The following SMG7 variants were observed in gnomAD, a reference collection of about 807,000 sequenced individuals.
SMG7 encodes SMG7 nonsense mediated mRNA decay factor.
Under a neutral mutation model 148.2 loss-of-function variants are expected in SMG7, and 34 were observed. The observed-to-expected ratio is 0.23, with a 90% CI of 0.17 to 0.31. The LOEUF (loss-of-function observed/expected upper bound fraction) is 0.31, where lower values mean the gene tolerates loss of function less well. Ranked by LOEUF, SMG7 falls within the 10% of genes least tolerant of loss-of-function variation. The pLI, the probability that SMG7 is intolerant of heterozygous loss-of-function variation, is 1.00. For synonymous variants in SMG7, 492 were observed against 515.1 expected (o/e 0.96, Z 0.61); for missense variants, 1,114 against 1,408.4 (o/e 0.79, Z 3.35).
intron 3 of SMG7, among the ~76,000 whole-genome samples, chr1:183,517,116 T>C (rs886473412): frequency 3.3e-5 from 5 of 152,240 alleles, no homozygotes; most frequent in African/African-American, 1.2e-4. Flanking sequence ...GTATGCCATA[T>C]TTCAGCATTA....
intron 12 of SMG7, 92 bp downstream of exon 12, chr1:183,538,532 T>C: frequency 1.1e-6 from 1 of 882,574 alleles, no homozygotes; most frequent in Admixed American, 1.7e-5. Flanking sequence ...GAACCTTTGA[T>C]CTGTCCCAGC....
chr1:183,533,245 C>T lies in SMG7; in HGVS notation c.925C>T (p.Arg309Cys), dbSNP rs1297456313. 1.9e-6 allele frequency: 3 copies of T among 1,613,938 alleles called. No homozygotes were observed. The highest frequency in any genetic ancestry group is 2.5e-6 in the Non-Finnish European group (3 of 1,179,844). The stretch of plus-strand genomic sequence containing the variant: ...TAACCTGTTTCAACTTCATCACCTT[C>T]GTGACTTTAGCAATGAAACCGAGCA... ...VINLFQLHHLRDFSNETEQHT... is the reference protein window; with the variant it reads ...VINLFQLHHLCDFSNETEQHT... The change falls in exon 9 of 23, where the codon CGT (arginine) becomes TGT (cysteine). Residue 309 changes from arginine (R) to cysteine (C), a missense_variant. Around this residue, in one of 4 missense-constraint regions of SMG7, gnomAD observed 8 missense variants for 37.6 expected, o/e 0.21. Coordinates refer to ENST00000688051, the MANE Select transcript of SMG7 (RefSeq NM_001375584.1).
At chr1:183,476,014 A>C (rs1652086932) in intron 1 of SMG7, among the ~76,000 whole-genome samples, 1 of 152,230 alleles carries the variant, frequency 6.6e-6, no homozygotes, top group Admixed American at 6.5e-5. Context: ...TAAGTAAATT[A>C]AAACAAGTGT....
At chr1:183,549,717 T>C (rs751170691) in intron 19 of SMG7, 47 bp from the exon 20 acceptor site, 21 of 1,529,308 alleles carry the variant, frequency 1.4e-5, no homozygotes, top group Non-Finnish European at 1.7e-5. Context: ...TTTTCTCAAA[T>C]CTCTTTCCTT....
chr1:183,495,159 A>G (rs897981525), intron 1 of SMG7, among the ~76,000 whole-genome samples: 5 of 151,850 alleles, frequency 3.3e-5, no homozygotes, highest in African/African-American at 7.3e-5. Context: ...TAATATATAT[A>G]TATTTTTTTC....
chr1:183,492,114 C>T (rs1194394272), intron 1 of SMG7, among the ~76,000 whole-genome samples: 2 of 152,206 alleles, frequency 1.3e-5, no homozygotes, highest in African/African-American at 4.8e-5. Flanking sequence ...AGCCGTCATA[C>T]CATACCAGGC....
At chr1:183,514,554 G>T (rs1663033060) in intron 2 of SMG7, among the ~76,000 whole-genome samples, 1 of 152,206 alleles carries the variant, frequency 6.6e-6, no homozygotes, top group South Asian at 2.1e-4. Context: ...AGAACATGGA[G>T]CAATATCAGG....
Position 183,533,211 on chromosome 1 carries a change from C to T in SMG7, c.891C>T (p.Val297=), listed in dbSNP as rs1318436311. 9 of 1,613,900 alleles carry T rather than the reference C, an allele frequency of 5.6e-6. No individual in the cohort carries two copies. Among genetic ancestry groups the T allele is most frequent in the Non-Finnish European group, 7.6e-6 (9 of 1,179,810 alleles). The change falls in exon 9 of 23, where the codon GTC becomes GTT. Residue 297 remains valine, a synonymous_variant. Transcript: ENST00000688051. ...KAFNSQQLVH[V]TVINLFQLHH... ...TCAACTCTCAGCAGTTAGTTCATGT[C>T]ACTGTCATTAACCTGTTTCAACTTC...
At chr1:183,495,443 G>A (rs1658252478) in intron 1 of SMG7, among the ~76,000 whole-genome samples, 1 of 152,164 alleles carries the variant, frequency 6.6e-6, no homozygotes, top group South Asian at 2.1e-4. Context: ...AGGAGGAAGA[G>A]AGAGTGAGGA....
Position 183,526,063 on chromosome 1 carries a change from C to G in SMG7, c.313-533C>G, listed in dbSNP as rs1172656014. 2.0e-5 allele frequency among the ~76,000 whole-genome samples: 3 copies of G among 151,192 alleles called. No individual in the cohort carries two copies. The East Asian group carries it at 5.8e-4, about 29-fold the overall frequency. On this transcript the variant is annotated intron_variant, in intron 4 of 22. Coordinates refer to ENST00000688051, the MANE Select transcript of SMG7 (RefSeq NM_001375584.1). ...GCTGCTGTATGCACATCCTAGATTG[C>G]TGTAATACTTGAGAATTCAAAAGGT...
chr1:183,481,635 C>T (rs928681430), intron 1 of SMG7, among the ~76,000 whole-genome samples: 3 of 152,014 alleles, frequency 2.0e-5, no homozygotes, highest in African/African-American at 7.3e-5. Flanking sequence ...AAAAATGAAC[C>T]GATACTTACT....
intron 2 of SMG7, chr1:183,513,180 C>G: frequency 4.0e-6 from 1 of 249,234 alleles, no homozygotes; most frequent in Non-Finnish European, 7.4e-6. Context: ...AATAACATAC[C>G]CCATATAAAC....
chr1:183,546,205 C>T lies in SMG7; in HGVS notation c.2610C>T (p.Tyr870=), dbSNP rs1434098649. The change falls in exon 17 of 23, where the codon TAC becomes TAT. Residue 870 remains tyrosine, a synonymous_variant. Coordinates refer to ENST00000688051, the MANE Select transcript of SMG7 (RefSeq NM_001375584.1). ...NPSEVKVPEF[Y]WDSSYSMADN... ...CAGAAGTCAAGGTCCCAGAATTCTA[C>T]TGGGATTCTTCCTACAGCATGGCTG... is the stretch of plus-strand genomic sequence containing the variant. 4 of 1,614,042 alleles carry T rather than the reference C, an allele frequency of 2.5e-6. No individual in the cohort carries two copies. The Admixed American group carries it at 6.7e-5, about 27-fold the overall frequency.
intron 5 of SMG7, 28 bp downstream of exon 5, chr1:183,526,795 A>G: frequency 1.3e-6 from 2 of 1,574,520 alleles, no homozygotes; most frequent in African/African-American, 1.4e-5. Flanking sequence ...AGGAATTGAT[A>G]ATATGTTCCT....
At chr1:183,488,670 A>G (rs1303528238) in intron 1 of SMG7, among the ~76,000 whole-genome samples, 1 of 148,218 alleles carries the variant, frequency 6.7e-6, no homozygotes, top group Non-Finnish European at 1.5e-5. Flanking sequence ...GAAAAGTAAA[A>G]TGTTTATAAG....
At chr1:183,513,614 C>T (rs1662711215) in intron 2 of SMG7, among the ~76,000 whole-genome samples, 1 of 152,150 alleles carries the variant, frequency 6.6e-6, no homozygotes, top group Non-Finnish European at 1.5e-5. Flanking sequence ...TCATGATCCT[C>T]CTGCCTCAGC....
At chr1:183,546,378 T>C (rs1305640298) in intron 17 of SMG7, 41 bp downstream of exon 17, 2 of 1,567,792 alleles carry the variant, frequency 1.3e-6, no homozygotes, top group Middle Eastern at 2.1e-4. Context: ...TGGAGATAGG[T>C]CTGAGGTTGA....
intron 20 of SMG7, 57 bp from the exon 21 acceptor site, chr1:183,550,694 C>A: frequency 6.5e-7 from 1 of 1,548,846 alleles, no homozygotes; most frequent in Non-Finnish European, 8.9e-7. Context: ...ACCTGTAGTT[C>A]TTTGTATGTT....
rs755192116 is a variant in SMG7, at chr1:183,542,311, A to T, written c.1651A>T (p.Ile551Phe). ...EKPVVTFKENIKTREVNRDQG... is the reference protein window; with the variant it reads ...EKPVVTFKENFKTREVNRDQG... ...GCCAGTGGTTACCTTCAAAGAAAAC[A>T]TTAAGACACGAGAAGTGAACAGAGA... Residue 551 changes from isoleucine (I) to phenylalanine (F), a missense_variant, in exon 14 of 23, where the codon ATT becomes TTT. By Grantham distance (21) the Ile-to-Phe change is conservative. Around this residue, in one of 4 missense-constraint regions of SMG7, gnomAD observed 788 missense variants for 894.5 expected, o/e 0.88. Coordinates refer to ENST00000688051, the MANE Select transcript of SMG7 (RefSeq NM_001375584.1). 6.2e-7 allele frequency: 1 copy of T among 1,614,188 alleles called. No individual in the cohort carries two copies. The highest frequency in any genetic ancestry group is 8.5e-7 in the Non-Finnish European group (1 of 1,180,010).
Sources: gnomAD v4.1 joint callset for allele counts (sites outside exome capture counted in the v4.1 genomes callset) on GRCh38, gnomAD v4.1.1 for gene constraint, gnomAD v4.1.1 regional missense constraint, MANE v1.5 for transcripts, NCBI Gene and HGNC (gene_info 2026-07-23, HGNC 2026-07-21) for gene names.